MYO3B: variants seen among roughly 807,000 people sequenced by gnomAD.
MYO3B encodes myosin-IIIb.
Under a neutral mutation model 174.6 loss-of-function variants are expected in MYO3B, and 156 were observed. That is an observed-to-expected ratio of 0.89 (90% CI 0.78 to 1.02). MYO3B has a LOEUF of 1.02. MYO3B is among the 50% of genes least tolerant of loss of function. MYO3B has a pLI of 0.00. For synonymous variants in MYO3B, 563 were observed against 569.1 expected (o/e 0.99, Z 0.15); for missense variants, 1,632 against 1,639.4 (o/e 1.00, Z 0.08).
chr2:170,523,458 G>A (rs1372416343), intron 30 of MYO3B, among the ~76,000 whole-genome samples: 2 of 152,014 alleles, frequency 1.3e-5, no homozygotes, highest in African/African-American at 4.8e-5. Flanking sequence ...GCAGAGGGTG[G>A]GGTGGGAGTA....
intron 30 of MYO3B, among the ~76,000 whole-genome samples, chr2:170,528,110 C>T (rs750410717): frequency 2.0e-5 from 3 of 152,174 alleles, no homozygotes; most frequent in Admixed American, 6.5e-5. Flanking sequence ...CTCAAAAAGT[C>T]GAAAATCCTA....
chr2:170,211,072 A>G (rs1204458729), intron 3 of MYO3B, among the ~76,000 whole-genome samples: 1 of 152,190 alleles, frequency 6.6e-6, no homozygotes, highest in African/African-American at 2.4e-5. Flanking sequence ...TCAGAGTTTG[A>G]GAGGGATCTA....
chr2:170,642,195 CTCATTCATTCAT>C (rs112933967), intron 32 of MYO3B, among the ~76,000 whole-genome samples: 1 of 151,908 alleles, frequency 6.6e-6, no homozygotes, highest in Non-Finnish European at 1.5e-5. Flanking sequence ...CACTCATTCA[CTCATTCATTCAT>C]TCATTCTTCA....
chr2:170,427,462 A>C (rs1483425047), intron 22 of MYO3B, among the ~76,000 whole-genome samples: 3 of 152,238 alleles, frequency 2.0e-5, no homozygotes, highest in African/African-American at 7.2e-5. Flanking sequence ...GAAACATATA[A>C]ATTTCAATGG....
chr2:170,567,532 C>T (rs1046702218), intron 32 of MYO3B, among the ~76,000 whole-genome samples: 1 of 152,164 alleles, frequency 6.6e-6, no homozygotes, highest in African/African-American at 2.4e-5. Context: ...GTTAACAGGA[C>T]ACAAAACTCC....
At chr2:170,225,829 A>G (rs190191220) in intron 6 of MYO3B, among the ~76,000 whole-genome samples, 18 of 152,336 alleles carry the variant, frequency 1.2e-4, no homozygotes, top group African/African-American at 4.3e-4. Context: ...AAAAGATAAA[A>G]TGAAATAATG....
intron 8 of MYO3B, among the ~76,000 whole-genome samples, chr2:170,346,966 T>C (rs1056123434): frequency 1.3e-5 from 2 of 152,122 alleles, no homozygotes; most frequent in African/African-American, 4.8e-5. Flanking sequence ...GGACCTGCAG[T>C]TTACATTTCT....
chr2:170,502,040 G>A (rs1178631255), intron 28 of MYO3B, among the ~76,000 whole-genome samples, 175 bp downstream of exon 28: 1 of 152,150 alleles, frequency 6.6e-6, no homozygotes, highest in Non-Finnish European at 1.5e-5. Flanking sequence ...TGATGCTAAC[G>A]GTGAGCATGA....
chr2:170,563,076 C>A (rs1691832713), intron 32 of MYO3B, among the ~76,000 whole-genome samples: 1 of 144,684 alleles, frequency 6.9e-6, no homozygotes, highest in Non-Finnish European at 1.5e-5. Flanking sequence ...TAGACACACA[C>A]ACTACACACA....
chr2:170,527,312 A>C (rs750161062), intron 30 of MYO3B, among the ~76,000 whole-genome samples: 1 of 152,252 alleles, frequency 6.6e-6, no homozygotes, highest in Non-Finnish European at 1.5e-5. Context: ...TCAAAAGTAC[A>C]CAAAATGTTT....
chr2:170,386,232 G>C lies in MYO3B; in HGVS notation c.1334G>C (p.Ser445Thr). ...SGESGSGKTESAHLIVQHLTF... is the reference protein window; with the variant it reads ...SGESGSGKTETAHLIVQHLTF... ...GAGAGTGGCTCTGGGAAGACAGAAA[G>C]CGCCCACCTGATTGTTCAGCATTTG... The change falls in exon 13 of 35, where the codon AGC becomes ACC. Residue 445 changes from serine to threonine, a missense_variant. Physicochemically the swap from Ser to Thr is moderately conservative, Grantham distance 58. Transcript: ENST00000408978. The C allele has an allele frequency of 6.2e-7, 1 of 1,613,668 alleles. No individual in the cohort carries two copies. The highest frequency in any genetic ancestry group is 8.5e-7 in the Non-Finnish European group (1 of 1,179,692).
At chr2:170,418,510 T>G (rs1482983609) in intron 22 of MYO3B, among the ~76,000 whole-genome samples, 1 of 152,196 alleles carries the variant, frequency 6.6e-6, no homozygotes, top group Non-Finnish European at 1.5e-5. Flanking sequence ...CCCTAGGTCT[T>G]CATAAAAGCT....
At chr2:170,401,890 A>G (rs1298567206) in intron 18 of MYO3B, among the ~76,000 whole-genome samples, 199 bp downstream of exon 18, 3 of 147,288 alleles carry the variant, frequency 2.0e-5, no homozygotes, top group Admixed American at 7.0e-5. Context: ...GCAACCTCCA[A>G]CTCCAGGGTT....
chr2:170,487,940 A>C (rs570559054), intron 25 of MYO3B, among the ~76,000 whole-genome samples: 1 of 152,354 alleles, frequency 6.6e-6, no homozygotes, highest in Non-Finnish European at 1.5e-5. Context: ...AAGAGTAACC[A>C]AGGGGAAAAA....
chr2:170,196,414 G>A (rs1207318097), intron 1 of MYO3B, among the ~76,000 whole-genome samples: 4 of 152,170 alleles, frequency 2.6e-5, no homozygotes, highest in African/African-American at 7.2e-5. Context: ...TAATACTTGG[G>A]AGGCTGAGAT....
Position 170,487,753 on chromosome 2 carries a change from T to C in MYO3B, c.3015-10839T>C, listed in dbSNP as rs1686159407. ...GATGAATCAAAGCAGAGCTCATTCA[T>C]TCTAGGTTAGGATTTCAAAGCCATC... On this transcript the variant is annotated intron_variant, in intron 25 of 34. Coordinates refer to ENST00000408978, the MANE Select transcript of MYO3B (RefSeq NM_138995.5). Among the ~76,000 whole-genome samples the C allele has an allele frequency of 3.9e-5, 6 of 152,210 alleles. No individual in the cohort carries two copies. The South Asian group carries it at 1.2e-3, about 32-fold the overall frequency.
chr2:170,648,667 T>G (rs1001950910), intron 32 of MYO3B, among the ~76,000 whole-genome samples: 1 of 103,558 alleles, frequency 9.7e-6, no homozygotes, highest in African/African-American at 4.0e-5. Flanking sequence ...ATATATTATA[T>G]TCTATATAAT....
chr2:170,616,867 C>T (rs534047818), intron 32 of MYO3B, among the ~76,000 whole-genome samples: 1 of 152,188 alleles, frequency 6.6e-6, no homozygotes, highest in South Asian at 2.1e-4. Flanking sequence ...AAATTATCTT[C>T]ACTTCCTTGT....
chr2:170,601,809 G>C lies in MYO3B; in HGVS notation c.3734-49819G>C, dbSNP rs569652662. The C allele has an allele frequency of 6.7e-5, 76 of 1,126,244 alleles. No individual in the cohort carries two copies. The African/African-American group carries it at 1.1e-3, about 17-fold the overall frequency. 69.8% of individuals were successfully genotyped at this position (1,126,244 alleles called of 1,614,324 possible). Reference sequence around the variant, plus strand: ...CAGCCTTCTTTTCACAAAGCTGCTTGTCATCTGCAAAAGTGTTATTCCACA... The same window carrying C: ...CAGCCTTCTTTTCACAAAGCTGCTTCTCATCTGCAAAAGTGTTATTCCACA... On this transcript the variant is annotated intron_variant, in intron 32 of 34. Coordinates refer to ENST00000408978, the MANE Select transcript of MYO3B (RefSeq NM_138995.5).
Sources: gnomAD v4.1 joint callset for allele counts (sites outside exome capture counted in the v4.1 genomes callset) on GRCh38, gnomAD v4.1.1 for gene constraint, MANE v1.5 for transcripts, NCBI Gene and HGNC (gene_info 2026-07-23, HGNC 2026-07-21) for gene names.